The following OSBPL9 variants were observed in gnomAD, a reference collection of about 807,000 sequenced individuals.
OSBPL9 encodes oxysterol-binding protein-related protein 9.
In OSBPL9, 40 loss-of-function variants were observed where a neutral mutation model predicts 106.6. The ratio of observed to expected loss-of-function variants is 0.38; its 90% CI spans 0.29 to 0.49. OSBPL9 has a LOEUF of 0.49. OSBPL9 is among the 20% of genes least tolerant of loss of function. The probability of loss-of-function intolerance (pLI) is 0.97; values close to 1 mark genes in which losing one functional copy is unlikely to be tolerated. For synonymous variants in OSBPL9, 269 were observed against 295.4 expected (o/e 0.91, Z 0.92); for missense variants, 609 against 887.2 (o/e 0.69, Z 3.98).
intron 1 of OSBPL9, among the ~76,000 whole-genome samples, chr1:51,625,290 G>T (rs1393848228): frequency 6.6e-6 from 1 of 152,108 alleles, no homozygotes; most frequent in Non-Finnish European, 1.5e-5. Context: ...TGTATGATTA[G>T]ATTTTCTTTT....
chr1:51,632,132 G>A (rs1645144923), intron 1 of OSBPL9, among the ~76,000 whole-genome samples: 1 of 151,878 alleles, frequency 6.6e-6, no homozygotes, highest in Non-Finnish European at 1.5e-5. Flanking sequence ...TAAATAGAAG[G>A]CATATACTCT....
chr1:51,770,834 G>T lies in OSBPL9; in HGVS notation c.939-1236G>T, dbSNP rs548816477. 1.6e-4 allele frequency among the ~76,000 whole-genome samples: 24 copies of T among 152,274 alleles called. 1 individual carries two copies. The South Asian group carries it at 5.0e-3, about 32-fold the overall frequency. Reference sequence around the variant, plus strand: ...ATTCTAGTGTTCTAATACAGGCAGAGCCCAGAGGATTTTTACAGCAGTGAA... The same window carrying T: ...ATTCTAGTGTTCTAATACAGGCAGATCCCAGAGGATTTTTACAGCAGTGAA... On this transcript the variant is annotated intron_variant, in intron 12 of 23. Transcript: ENST00000428468.
intron 4 of OSBPL9, among the ~76,000 whole-genome samples, chr1:51,716,052 G>T (rs942410477): frequency 6.6e-6 from 1 of 152,126 alleles, no homozygotes; most frequent in African/African-American, 2.4e-5. Flanking sequence ...TCCAATATTG[G>T]AATTTTTCAG....
intron 2 of OSBPL9, among the ~76,000 whole-genome samples, chr1:51,668,022 A>G (rs980419116): frequency 3.9e-5 from 6 of 152,136 alleles, no homozygotes; most frequent in African/African-American, 9.7e-5. Flanking sequence ...TAAATGTTTG[A>G]TCCTATTCCC....
At chr1:51,607,412 T>C (rs1643956399) in intron 2 of OSBPL9, among the ~76,000 whole-genome samples, 1 of 152,146 alleles carries the variant, frequency 6.6e-6, no homozygotes, top group Non-Finnish European at 1.5e-5. Flanking sequence ...TCTGCCCGGC[T>C]CAGCCTCCCA....
intron 1 of OSBPL9, among the ~76,000 whole-genome samples, chr1:51,651,484 T>TC (rs897896485): frequency 2.0e-5 from 3 of 151,964 alleles, no homozygotes; most frequent in African/African-American, 7.3e-5. Context: ...GTGCCTGTAA[T>TC]CCCAGCTACT....
At chr1:51,685,756 C>G (rs1416179097) in intron 3 of OSBPL9, among the ~76,000 whole-genome samples, 1 of 152,170 alleles carries the variant, frequency 6.6e-6, no homozygotes, top group African/African-American at 2.4e-5. Context: ...CAAAAGACCT[C>G]TACAAGGCAT....
chr1:51,518,833 C>T, the OSBPL9 span, among the ~76,000 whole-genome samples: 1 of 151,780 alleles, frequency 6.6e-6, no homozygotes, highest in Non-Finnish European at 1.5e-5. Context: ...GGGATGCGTG[C>T]GGCCCTGTGG....
At chr1:51,585,637 G>A (rs774214174) in intron 1 of OSBPL9, among the ~76,000 whole-genome samples, 16 of 152,014 alleles carry the variant, frequency 1.1e-4, no homozygotes, top group Admixed American at 5.9e-4. Context: ...TTGGCCCTGC[G>A]TGGTGGTGCG....
chr1:51,715,425 TTTTG>T (rs913218378), intron 4 of OSBPL9, among the ~76,000 whole-genome samples: 59 of 152,266 alleles, frequency 3.9e-4, no homozygotes, highest in South Asian at 2.9e-3. Flanking sequence ...GATAAGTGTT[TTTTG>T]TTTGTTTGTT....
intron 12 of OSBPL9, among the ~76,000 whole-genome samples, chr1:51,766,196 G>T (rs1672521453): frequency 6.6e-6 from 1 of 152,156 alleles, no homozygotes; most frequent in East Asian, 1.9e-4. Context: ...AGCCAGTTCT[G>T]TGAGAGTTTT....
the OSBPL9 span, chr1:51,565,636 G>A: frequency 6.6e-6 from 1 of 152,108 alleles, no homozygotes. Flanking sequence ...TATTCCTTGT[G>A]CAGAGTTAAC....
the OSBPL9 span, chr1:51,562,085 C>T: frequency 6.6e-6 from 1 of 152,194 alleles, no homozygotes; most frequent in African/African-American, 2.4e-5. Flanking sequence ...TTCTTCTGAT[C>T]TCATGCAATC....
At chr1:51,610,876 C>G (rs2148606093) in intron 2 of OSBPL9, among the ~76,000 whole-genome samples, 1 of 152,282 alleles carries the variant, frequency 6.6e-6, no homozygotes, top group South Asian at 2.1e-4. Flanking sequence ...ACTGAGTCCT[C>G]AAAGAACCCA....
rs1667816859 is a variant in OSBPL9 at position 51,745,626 on chromosome 1, T to C, written c.409T>C (p.Leu137=). 1.9e-6 allele frequency: 3 copies of C among 1,579,338 alleles called. No individual in the cohort carries two copies. In the Admixed American group the frequency reaches 5.9e-5, roughly 31 times the overall value. The stretch of plus-strand genomic sequence containing the variant: ...TTACCTACAAATCTTGATTGAACAA[T>C]TAAAGGTATGGCATTAGTTTGTATA... The part of the protein sequence containing the change: ...DAYLQILIEQ[L]KLFDDKLQNC... Residue 137 remains leucine, a synonymous_variant, in exon 5 of 24, where the codon TTA becomes CTA. Transcript: ENST00000428468.
In OSBPL9 at chr1:51,643,699, ACC is replaced by A. The variant is rs1645956087; in HGVS notation, c.112-8291_112-8290del. 4.6e-5 allele frequency among the ~76,000 whole-genome samples: 7 copies of A among 152,130 alleles called. No individual in the cohort carries two copies. In the South Asian group the frequency reaches 1.5e-3, roughly 32 times the overall value. On this transcript the variant is annotated intron_variant, in intron 1 of 23. Transcript: ENST00000428468. Reference sequence around the variant, plus strand: ...GTTTTGTTTTTTAATCGAAGAAGTAACCTGATCAGATTCATGTTTTGAAAAGA... The same window carrying A: ...GTTTTGTTTTTTAATCGAAGAAGTAATGATCAGATTCATGTTTTGAAAAGA...
chr1:51,528,651 C>T, the OSBPL9 span, among the ~76,000 whole-genome samples: 7 of 152,004 alleles, frequency 4.6e-5, no homozygotes, highest in East Asian at 1.9e-4. Context: ...TTGGGTTGAT[C>T]GCTTGAGGTC....
At chr1:51,655,789 CT>C (rs1417523356) in intron 2 of OSBPL9, among the ~76,000 whole-genome samples, 1 of 152,092 alleles carries the variant, frequency 6.6e-6, no homozygotes, top group Non-Finnish European at 1.5e-5. Flanking sequence ...CTTTAGTTTC[CT>C]CTTCTTTAAG....
At chr1:51,618,025 G>GTGTGTGGT (rs1644185004) in intron 1 of OSBPL9, among the ~76,000 whole-genome samples, 4 of 106,550 alleles carry the variant, frequency 3.8e-5, no homozygotes, top group Admixed American at 8.8e-5. Flanking sequence ...TGTGTGTGTG[G>GTGTGTGGT]TTTTTTTTTT....
Sources: allele counts gnomAD v4.1 joint callset (sites outside exome capture counted in the v4.1 genomes callset), GRCh38; gene constraint gnomAD v4.1.1; transcripts MANE v1.5; gene names NCBI Gene and HGNC (gene_info 2026-07-23, HGNC 2026-07-21).